The following ZNF451 variants were observed in gnomAD, a reference collection of about 807,000 sequenced individuals.
ZNF451 encodes the protein E3 SUMO-protein ligase ZNF451.
Under a neutral mutation model 107.1 loss-of-function variants are expected in ZNF451, and 80 were observed. That is an observed-to-expected ratio of 0.75 (90% CI 0.62 to 0.90). The LOEUF (loss-of-function observed/expected upper bound fraction) is 0.90, where lower values mean the gene tolerates loss of function less well. ZNF451 is among the 40% of genes least tolerant of loss of function. ZNF451 has a pLI of 0.00. For missense variants in ZNF451, 1,107 were observed against 1,236.2 expected, an observed-to-expected ratio of 0.90 and a Z score of 1.57; for synonymous variants, 362 against 406.5, an observed-to-expected ratio of 0.89 and a Z score of 1.32.
At chr6:57,163,936 ATT>A (rs1763792451) in intron 14 of ZNF451, among the ~76,000 whole-genome samples, 1 of 152,218 alleles carries the variant, frequency 6.6e-6, no homozygotes, top group African/African-American at 2.4e-5. Flanking sequence ...CTCAAAAAAA[ATT>A]TTAAGCAACC....
rs1829777069 is a variant in ZNF451, at chr6:57,104,887, A to G, written c.186+5746A>G. On this transcript the variant is annotated intron_variant, in intron 3 of 14. Coordinates refer to ENST00000370706, the MANE Select transcript of ZNF451 (RefSeq NM_001031623.3). ...GAAATTATCAAATTGGTGACCAAGT[A>G]GTTCTGAAAGGATTTGACCGTTTAA... 5.1e-6 allele frequency: 5 copies of G among 985,446 alleles called. No individual in the cohort carries two copies. The South Asian group carries it at 1.4e-4, about 28-fold the overall frequency. The allele number at this position is 985,446 out of a possible 1,614,324, so 61.0% of individuals were successfully genotyped here. A position where few individuals can be genotyped will look rare whatever the true frequency, so the allele number is the denominator to read the frequency against.
intron 3 of ZNF451, chr6:57,101,815 A>T (rs1033095806): frequency 6.4e-7 from 1 of 1,550,528 alleles, no homozygotes; most frequent in Admixed American, 2.0e-5. Flanking sequence ...TACATCTCTC[A>T]CTAAGAAAAC....
chr6:57,166,467 G>T (rs1017282321), intron 14 of ZNF451, among the ~76,000 whole-genome samples: 3 of 152,084 alleles, frequency 2.0e-5, no homozygotes, highest in Non-Finnish European at 2.9e-5. Context: ...TACAGCTATA[G>T]AGAAATATTT....
At chr6:57,128,865 G>GTTA in intron 5 of ZNF451, 25 bp downstream of exon 5, 1 of 1,542,998 alleles carries the variant, frequency 6.5e-7, no homozygotes, top group Non-Finnish European at 8.9e-7. Context: ...TTACACTAAG[G>GTTA]TTACCTAGCT....
chr6:57,113,620 A>ATT (rs869045366), intron 3 of ZNF451, among the ~76,000 whole-genome samples: 28 of 137,224 alleles, frequency 2.0e-4, no homozygotes, highest in Non-Finnish European at 2.8e-4. Flanking sequence ...AGAAAAAAAA[A>ATT]TTTTTTTTTT....
intron 8 of ZNF451, among the ~76,000 whole-genome samples, chr6:57,141,741 G>C (rs1412198550): frequency 6.6e-6 from 1 of 151,986 alleles, no homozygotes; most frequent in Non-Finnish European, 1.5e-5. Context: ...CTGTTTCTCG[G>C]CATTTAAGAC....
At chr6:57,115,131 A>C (rs1306842665) in intron 3 of ZNF451, 2 of 152,132 alleles carry the variant, frequency 1.3e-5, no homozygotes, top group Non-Finnish European at 1.5e-5. Flanking sequence ...GTGTTGGTAC[A>C]TGCCTGTAGG....
intron 11 of ZNF451, chr6:57,151,069 A>C (rs187519886): frequency 1.1e-5 from 6 of 568,146 alleles, no homozygotes; most frequent in Admixed American, 7.2e-5. Context: ...CTCAAAGTTT[A>C]TGGATCTTTT....
At chr6:57,111,312 T>TA (rs1207494443) in intron 3 of ZNF451, among the ~76,000 whole-genome samples, 2 of 151,816 alleles carry the variant, frequency 1.3e-5, no homozygotes, top group African/African-American at 4.8e-5. Context: ...CACTCAGGGT[T>TA]AAAAAACTCC....
intron 3 of ZNF451, among the ~76,000 whole-genome samples, chr6:57,118,721 T>G (rs1195828820): frequency 6.6e-6 from 1 of 152,066 alleles, no homozygotes; most frequent in Non-Finnish European, 1.5e-5. Context: ...TGGGCTCAAG[T>G]GAACCTCCTG....
At chr6:57,127,352 A>G in intron 4 of ZNF451, among the ~76,000 whole-genome samples, 1 of 152,204 alleles carries the variant, frequency 6.6e-6, no homozygotes, top group East Asian at 1.9e-4. Context: ...AGAATTTTAA[A>G]AAATGTATAT....
At chr6:57,131,714 A>G (rs1831185553) in intron 5 of ZNF451, among the ~76,000 whole-genome samples, 1 of 152,222 alleles carries the variant, frequency 6.6e-6, no homozygotes. Context: ...TCTTAAGGGA[A>G]TAATTCTATT....
chr6:57,153,779 T>C (rs1182393525), intron 12 of ZNF451, 82 bp from the exon 13 acceptor site: 1 of 1,374,858 alleles, frequency 7.3e-7, no homozygotes, highest in Non-Finnish European at 1.0e-6. Context: ...TTCCTAGGCA[T>C]GTGTTCATTC....
rs1593155669 is a variant in ZNF451 at position 57,146,768 on chromosome 6, G to C, written c.1005-322G>C. 2.6e-5 allele frequency among the ~76,000 whole-genome samples: 4 copies of C among 152,246 alleles called. No individual in the cohort carries two copies. In the Middle Eastern group the frequency reaches 0.014, roughly 518 times the overall value. Reference sequence around the variant, plus strand: ...ACATACAGTTTAATTACCATGGAGAGTCTAATAATTTGCCTGTTCAATAAG... The same window carrying C: ...ACATACAGTTTAATTACCATGGAGACTCTAATAATTTGCCTGTTCAATAAG... On this transcript the variant is annotated intron_variant, in intron 9 of 14. Transcript: ENST00000370706.
intron 9 of ZNF451, among the ~76,000 whole-genome samples, chr6:57,144,101 G>A (rs1169268586): frequency 6.6e-6 from 1 of 151,568 alleles, no homozygotes; most frequent in Non-Finnish European, 1.5e-5. Flanking sequence ...AAAGGGCATG[G>A]GTTTTCTTTT....
rs1832153080 is a variant in ZNF451 at position 57,147,896 on chromosome 6, GTAAATGGCAATGCCGGA to G, written c.1813_1829del (p.Lys605LeufsTer2). On this transcript the variant is annotated frameshift_variant, in exon 10 of 15. Coordinates refer to ENST00000370706, the MANE Select transcript of ZNF451 (RefSeq NM_001031623.3). LOFTEE classifies it high-confidence loss of function. Reference sequence around the variant, plus strand: ...TCCCCGGCAAATAGTTCTCCGAGGGGTAAATGGCAATGCCGGATTTGTGAAGATATGTTTGATTCCCA... The same window carrying G: ...TCCCCGGCAAATAGTTCTCCGAGGGGTTTGTGAAGATATGTTTGATTCCCA... The G allele has an allele frequency of 6.2e-7, 1 of 1,614,012 alleles. No individual in the cohort carries two copies. The highest frequency in any genetic ancestry group is 8.5e-7 in the Non-Finnish European group (1 of 1,179,986).
intron 2 of ZNF451, among the ~76,000 whole-genome samples, chr6:57,094,753 C>T: frequency 6.6e-6 from 1 of 151,990 alleles, no homozygotes. Context: ...TCCATTTTCT[C>T]TTAAGGAAGA....
intron 3 of ZNF451, among the ~76,000 whole-genome samples, chr6:57,111,064 C>T (rs771982437): frequency 3.6e-4 from 55 of 151,962 alleles, no homozygotes; most frequent in African/African-American, 1.3e-3. Context: ...GGATTACAGG[C>T]GCATGCCACC....
rs774758630 is a variant in ZNF451 at position 57,147,382 on chromosome 6, A to G, written c.1297A>G (p.Ile433Val). The G allele has an allele frequency of 4.8e-5, 78 of 1,614,018 alleles. No homozygotes were observed. The highest frequency in any genetic ancestry group is 3.1e-4 in the South Asian group (28 of 91,086). Residue 433 changes from isoleucine (I) to valine (V), a missense_variant, in exon 10 of 15, where the codon ATT becomes GTT. Physicochemically the swap from Ile to Val is conservative, Grantham distance 29. Coordinates refer to ENST00000370706, the MANE Select transcript of ZNF451 (RefSeq NM_001031623.3). ...TTCATCACTTAAAAGAACCATGTCTATTAAAGAATCTAGCTCACTGGAGTG... is the reference window on the plus strand; with the variant it reads ...TTCATCACTTAAAAGAACCATGTCTGTTAAAGAATCTAGCTCACTGGAGTG... ...KFSSLKRTMS[I>V]KESSSLECIA...
Sources: allele counts gnomAD v4.1 joint callset (sites outside exome capture counted in the v4.1 genomes callset), GRCh38; gene constraint gnomAD v4.1.1; transcripts MANE v1.5; gene names NCBI Gene and HGNC (gene_info 2026-07-23, HGNC 2026-07-21).